HERC4: variants seen among roughly 807,000 people sequenced by gnomAD.
HERC4 encodes the protein HECT and RLD domain containing E3 ubiquitin protein ligase 4.
In HERC4, 28 loss-of-function variants were observed where a neutral mutation model predicts 124.3. The ratio of observed to expected loss-of-function variants is 0.23; its 90% CI spans 0.17 to 0.31. HERC4 has a LOEUF of 0.31. Among genes scored for constraint, HERC4 ranks in the 10% least tolerant of loss-of-function variants. The pLI, the probability that HERC4 is intolerant of heterozygous loss-of-function variation, is 1.00. For missense variants in HERC4, 713 were observed against 1,229.3 expected, an observed-to-expected ratio of 0.58 and a Z score of 6.28; for synonymous variants, 407 against 421.5, an observed-to-expected ratio of 0.97 and a Z score of 0.42.
At chr10:67,927,407 TATATATATATATATATATATATA>T (rs1198784363) in intron 23 of HERC4, among the ~76,000 whole-genome samples, 702 of 10,664 alleles carry the variant, frequency 0.066, 26 homozygotes, top group Middle Eastern at 0.15. Flanking sequence ...TATATATATA[TATATATATATATATATATATATA>T]TTTTTTTTTT....
chr10:68,015,480 A>G (rs763394469), intron 8 of HERC4, among the ~76,000 whole-genome samples: 1 of 152,202 alleles, frequency 6.6e-6, no homozygotes, highest in Non-Finnish European at 1.5e-5. Context: ...CAGATTGGCA[A>G]ATTCTTTCAG....
chr10:67,980,074 G>A (rs2035837997), intron 15 of HERC4, among the ~76,000 whole-genome samples: 2 of 152,154 alleles, frequency 1.3e-5, no homozygotes, highest in South Asian at 4.1e-4. Flanking sequence ...GTATTGAAGG[G>A]AAAATTTATC....
chr10:68,041,230 A>G (rs2039751923), intron 4 of HERC4, among the ~76,000 whole-genome samples: 1 of 152,166 alleles, frequency 6.6e-6, no homozygotes, highest in Non-Finnish European at 1.5e-5. Flanking sequence ...CACAATTACC[A>G]ATTTTCTATT....
At chr10:68,061,681 C>T (rs917989357) in intron 3 of HERC4, among the ~76,000 whole-genome samples, 2 of 151,218 alleles carry the variant, frequency 1.3e-5, no homozygotes, top group Non-Finnish European at 2.9e-5. Context: ...GAGTTCGAGA[C>T]CAGCCTGACC....
chr10:68,010,365 A>G, intron 9 of HERC4: 1 of 944,520 alleles, frequency 1.1e-6, no homozygotes. Context: ...AGGAAAGGAC[A>G]CTGGTGCCCC....
intron 19 of HERC4, among the ~76,000 whole-genome samples, chr10:67,951,224 C>T (rs1187156930): frequency 6.6e-6 from 1 of 152,140 alleles, no homozygotes; most frequent in East Asian, 1.9e-4. Flanking sequence ...CAGCCCCCAA[C>T]CTCATATGCC....
chr10:67,951,555 A>G (rs1352445981), intron 19 of HERC4, among the ~76,000 whole-genome samples: 2 of 152,154 alleles, frequency 1.3e-5, no homozygotes, highest in Admixed American at 6.5e-5. Flanking sequence ...CTTGTATCCT[A>G]AACTCCAAAT....
At chr10:67,940,505 C>T (rs759067651) in intron 20 of HERC4, among the ~76,000 whole-genome samples, 4 of 152,148 alleles carry the variant, frequency 2.6e-5, no homozygotes, top group South Asian at 2.1e-4. Flanking sequence ...CTGCAACCTC[C>T]GCCTCCTGGG....
Position 68,014,014 on chromosome 10 carries a change from G to A in HERC4, c.1069+12C>T. ...AATATATGAAGGAAAGCTTTAATATGACAGAACTTACCAATATCTGGTAGA... is the reference window on the plus strand; with the variant it reads ...AATATATGAAGGAAAGCTTTAATATAACAGAACTTACCAATATCTGGTAGA... On this transcript the variant is annotated intron_variant, in intron 9 of 24. Coordinates refer to ENST00000373700, the MANE Select transcript of HERC4 (RefSeq NM_015601.4). 1 of 1,574,968 alleles carries A rather than the reference G, an allele frequency of 6.3e-7. No homozygotes were observed. The highest frequency in any genetic ancestry group is 1.2e-5 in the South Asian group (1 of 84,586).
At chr10:68,019,263 T>C (rs909565908) in intron 8 of HERC4, among the ~76,000 whole-genome samples, 1 of 152,174 alleles carries the variant, frequency 6.6e-6, no homozygotes, top group Non-Finnish European at 1.5e-5. Context: ...CCCAAAGTGC[T>C]GAGATTACAG....
intron 23 of HERC4, among the ~76,000 whole-genome samples, chr10:67,927,413 TA>T (rs61276590): frequency 0.022 from 282 of 12,982 alleles, 22 homozygotes; most frequent in African/African-American, 0.046. Flanking sequence ...TATATATATA[TA>T]TATATATATA....
chr10:67,979,108 C>T (rs1164592246), intron 15 of HERC4, among the ~76,000 whole-genome samples: 5 of 152,084 alleles, frequency 3.3e-5, no homozygotes, highest in Non-Finnish European at 1.5e-5. Flanking sequence ...TCAAGACCAT[C>T]CAGGAAAACA....
intron 19 of HERC4, among the ~76,000 whole-genome samples, chr10:67,951,704 T>C (rs916322535): frequency 6.6e-6 from 1 of 152,210 alleles, no homozygotes; most frequent in Non-Finnish European, 1.5e-5. Flanking sequence ...GCTCTTGCTC[T>C]TCTGTGTTTC....
intron 8 of HERC4, among the ~76,000 whole-genome samples, chr10:68,018,902 T>C (rs1248927375): frequency 8.0e-6 from 1 of 124,916 alleles, no homozygotes; most frequent in African/African-American, 3.3e-5. Context: ...CCACAAGGCT[T>C]TTTTTTTTTT....
At chr10:68,073,952 C>A (rs1212340631) in intron 1 of HERC4, 4 of 152,066 alleles carry the variant, frequency 2.6e-5, no homozygotes, top group African/African-American at 4.8e-5. Flanking sequence ...AATTCAACCT[C>A]TTTTATTACA....
intron 15 of HERC4, among the ~76,000 whole-genome samples, chr10:67,980,280 T>A (rs1259933490): frequency 2.0e-5 from 3 of 151,988 alleles, no homozygotes; most frequent in Non-Finnish European, 4.4e-5. Flanking sequence ...ATTACAGACA[T>A]GCGCCACCAT....
At chr10:68,052,730 A>G (rs1023164403) in intron 3 of HERC4, among the ~76,000 whole-genome samples, 3 of 152,238 alleles carry the variant, frequency 2.0e-5, no homozygotes, top group Non-Finnish European at 4.4e-5. Flanking sequence ...TTCATTGTGT[A>G]AGAGTTCACT....
At chr10:68,016,455 C>T (rs547344864) in intron 8 of HERC4, among the ~76,000 whole-genome samples, 3 of 152,228 alleles carry the variant, frequency 2.0e-5, no homozygotes, top group Admixed American at 2.0e-4. Flanking sequence ...CGGATTCAAG[C>T]GAGTCTCCTG....
rs772299476 is a variant in HERC4, at chr10:67,992,184, A to G, written c.1271+15T>C. The G allele has an allele frequency of 3.3e-5, 54 of 1,612,082 alleles. No homozygotes were observed. The highest frequency in any genetic ancestry group is 4.0e-5 in the African/African-American group (3 of 74,870). The stretch of plus-strand genomic sequence containing the variant: ...GGCATGAGCCACTGTGCCTGGCCCA[A>G]AATGCTTTTCTTACTTGGCTATCTC... On this transcript the variant is annotated intron_variant, in intron 11 of 24. Transcript: ENST00000373700.
Sources: allele counts gnomAD v4.1 joint callset (sites outside exome capture counted in the v4.1 genomes callset), GRCh38; gene constraint gnomAD v4.1.1; transcripts MANE v1.5; gene names NCBI Gene and HGNC (gene_info 2026-07-23, HGNC 2026-07-21).